ROCK2: variants seen among roughly 807,000 people sequenced by gnomAD.
ROCK2 encodes the protein rho-associated protein kinase 2.
ROCK2 carries 61 observed loss-of-function variants against 195.1 expected under a neutral mutation model. The ratio of observed to expected loss-of-function variants is 0.31; its 90% CI spans 0.25 to 0.39. The LOEUF (loss-of-function observed/expected upper bound fraction) is 0.39, where lower values mean the gene tolerates loss of function less well. Ranked by LOEUF, ROCK2 falls within the 10% of genes least tolerant of loss-of-function variation. The pLI is 1.00. For synonymous variants in ROCK2, 504 were observed against 545.5 expected, an observed-to-expected ratio of 0.92 and a Z score of 1.06; for missense variants, 1,109 against 1,637.4, an observed-to-expected ratio of 0.68 and a Z score of 5.57.
At chr2:11,343,904 TC>T in intron 1 of ROCK2, 91 bp downstream of exon 1, 3 of 1,435,008 alleles carry the variant, frequency 2.1e-6, no homozygotes, top group Non-Finnish European at 2.8e-6. Context: ...GACCTCCCCC[TC>T]CCCACGGGCG....
At chr2:11,303,146 A>T (rs1448802331) in intron 1 of ROCK2, among the ~76,000 whole-genome samples, 1 of 152,242 alleles carries the variant, frequency 6.6e-6, no homozygotes, top group Non-Finnish European at 1.5e-5. Flanking sequence ...TTCAAAGATT[A>T]GTTCAGATAA....
At chr2:11,241,843 C>T (rs1194489917) in intron 4 of ROCK2, among the ~76,000 whole-genome samples, 3 of 152,046 alleles carry the variant, frequency 2.0e-5, no homozygotes, top group African/African-American at 4.8e-5. Flanking sequence ...GGTATAACAC[C>T]GTCATCCTAA....
At chr2:11,224,096 A>G (rs938729394) in intron 7 of ROCK2, among the ~76,000 whole-genome samples, 1 of 152,016 alleles carries the variant, frequency 6.6e-6, no homozygotes, top group African/African-American at 2.4e-5. Flanking sequence ...TTTCCTTTTT[A>G]GACATGAGGG....
At chr2:11,216,276 A>G in intron 12 of ROCK2, 70 bp from the exon 13 acceptor site, 1 of 1,133,072 alleles carries the variant, frequency 8.8e-7, no homozygotes, top group Non-Finnish European at 1.3e-6. Flanking sequence ...TAAATTTAAA[A>G]GTAATTACAT....
chr2:11,291,182 C>G (rs1366726277), intron 1 of ROCK2, among the ~76,000 whole-genome samples: 1 of 152,174 alleles, frequency 6.6e-6, no homozygotes, highest in Non-Finnish European at 1.5e-5. Flanking sequence ...AACACAGAGC[C>G]TTTTATACTT....
intron 3 of ROCK2, among the ~76,000 whole-genome samples, chr2:11,265,617 T>C (rs1016319965): frequency 6.6e-6 from 1 of 152,182 alleles, no homozygotes; most frequent in Non-Finnish European, 1.5e-5. Flanking sequence ...AAAATGGTAA[T>C]AGGGAGAAAG....
In ROCK2 at chr2:11,332,663, G is replaced by A. The variant is rs536227349; in HGVS notation, c.141+11333C>T. On this transcript the variant is annotated intron_variant, in intron 1 of 32. Coordinates refer to ENST00000315872, the MANE Select transcript of ROCK2 (RefSeq NM_004850.5). ...TCTAGTGAGAATGTAAAATGGTAGG[G>A]CTACTTCAGAAAACAGTCTGCAGTT... Among the ~76,000 whole-genome samples the A allele has an allele frequency of 3.9e-5, 6 of 152,254 alleles. No individual in the cohort carries two copies. The South Asian group carries it at 1.2e-3, about 32-fold the overall frequency.
chr2:11,202,576 A>G (rs968148151), intron 20 of ROCK2, among the ~76,000 whole-genome samples: 1 of 151,778 alleles, frequency 6.6e-6, no homozygotes, highest in African/African-American at 2.4e-5. Context: ...GGGCTCACTA[A>G]AAGTTCCGCC....
At chr2:11,313,520 A>T (rs1242787032) in intron 1 of ROCK2, among the ~76,000 whole-genome samples, 1 of 151,960 alleles carries the variant, frequency 6.6e-6, no homozygotes, top group Non-Finnish European at 1.5e-5. Flanking sequence ...AAATCCTGGT[A>T]CCATGTTTCT....
intron 20 of ROCK2, among the ~76,000 whole-genome samples, chr2:11,203,557 A>G (rs1663941667): frequency 6.6e-6 from 1 of 152,180 alleles, no homozygotes; most frequent in African/African-American, 2.4e-5. Flanking sequence ...ACAATGCAGG[A>G]AGACTCAGAG....
chr2:11,335,936 A>C (rs994464317), intron 1 of ROCK2, among the ~76,000 whole-genome samples: 1 of 152,232 alleles, frequency 6.6e-6, no homozygotes, highest in Non-Finnish European at 1.5e-5. Flanking sequence ...TTGTGACTAT[A>C]TAAAACTCAT....
intron 1 of ROCK2, among the ~76,000 whole-genome samples, chr2:11,324,052 T>TG (rs551747526): frequency 1.1e-3 from 164 of 152,326 alleles, no homozygotes; most frequent in South Asian, 4.1e-3. Flanking sequence ...TCCTTACTCT[T>TG]GCCTTTGTCC....
intron 20 of ROCK2, among the ~76,000 whole-genome samples, chr2:11,205,453 ATTC>A (rs1285499449): frequency 1.3e-5 from 2 of 152,082 alleles, no homozygotes; most frequent in Non-Finnish European, 2.9e-5. Flanking sequence ...ACCCATTCTC[ATTC>A]TTATTTATTG....
At chr2:11,210,401 C>T (rs1270332189) in intron 18 of ROCK2, among the ~76,000 whole-genome samples, 1 of 151,734 alleles carries the variant, frequency 6.6e-6, no homozygotes, top group African/African-American at 2.4e-5. Context: ...CTCACTGCAG[C>T]CTTGAACTCC....
intron 3 of ROCK2, among the ~76,000 whole-genome samples, chr2:11,283,418 G>A (rs1194184360): frequency 5.3e-5 from 8 of 150,108 alleles, no homozygotes; most frequent in South Asian, 2.1e-4. Flanking sequence ...AAAATTAGCC[G>A]GGCGCGGTGG....
At chr2:11,269,129 GA>G (rs1666533270) in intron 3 of ROCK2, among the ~76,000 whole-genome samples, 1 of 152,048 alleles carries the variant, frequency 6.6e-6, no homozygotes, top group Non-Finnish European at 1.5e-5. Context: ...TCTCTTTACT[GA>G]TATTTTCATA....
chr2:11,329,214 T>A (rs1175369123), intron 1 of ROCK2, among the ~76,000 whole-genome samples: 1 of 152,150 alleles, frequency 6.6e-6, no homozygotes, highest in East Asian at 1.9e-4. Flanking sequence ...AACCTTCATA[T>A]GTTAATGAGA....
At chr2:11,335,108 TACACACACACACACAC>T (rs59721285) in intron 1 of ROCK2, among the ~76,000 whole-genome samples, 10 of 145,026 alleles carry the variant, frequency 6.9e-5, no homozygotes, top group South Asian at 2.2e-4. Flanking sequence ...CTTTGACTGA[TACACACACACACACAC>T]ACACACACAC....
At chr2:11,288,323 A>G (rs867021057) in intron 1 of ROCK2, among the ~76,000 whole-genome samples, 17 of 152,218 alleles carry the variant, frequency 1.1e-4, no homozygotes, top group Non-Finnish European at 1.9e-4. Context: ...CTATATACAC[A>G]TAATGGTGGA....
Sources: gnomAD v4.1 joint callset for allele counts (sites outside exome capture counted in the v4.1 genomes callset) on GRCh38, gnomAD v4.1.1 for gene constraint, MANE v1.5 for transcripts, NCBI Gene and HGNC (gene_info 2026-07-23, HGNC 2026-07-21) for gene names.